TNRC6B: variants seen among roughly 807,000 people sequenced by gnomAD.
TNRC6B encodes the protein trinucleotide repeat containing adaptor 6B, also known as trinucleotide repeat-containing gene 6B protein.
Under a neutral mutation model 203.6 loss-of-function variants are expected in TNRC6B, and 52 were observed. The observed-to-expected ratio is 0.26, with a 90% CI of 0.20 to 0.32. The LOEUF (loss-of-function observed/expected upper bound fraction) is 0.32, where lower values mean the gene tolerates loss of function less well. Among genes scored for constraint, TNRC6B ranks in the 10% least tolerant of loss-of-function variants. TNRC6B has a pLI of 1.00. For synonymous variants in TNRC6B, 838 were observed against 845.7 expected, an observed-to-expected ratio of 0.99 and a Z score of 0.16; for missense variants, 1,923 against 2,286.2, an observed-to-expected ratio of 0.84 and a Z score of 3.24.
At chr22:40,276,550 G>A (rs1245385793) in intron 7 of TNRC6B, among the ~76,000 whole-genome samples, 5 of 152,114 alleles carry the variant, frequency 3.3e-5, no homozygotes, top group Non-Finnish European at 5.9e-5. Flanking sequence ...ACTTTGCCCA[G>A]GAGATCAGCA....
rs1443564087 is a variant in TNRC6B, at chr22:40,278,056, T to C, written c.3262+12T>C. Reference sequence around the variant, plus strand: ...GGATTTGTCTGTAGGTGTGTATCACTCCGCTGAAAAGAATGGAGTATATCA... The same window carrying C: ...GGATTTGTCTGTAGGTGTGTATCACCCCGCTGAAAAGAATGGAGTATATCA... On this transcript the variant is annotated intron_variant, in intron 9 of 22. Coordinates refer to ENST00000454349, the MANE Select transcript of TNRC6B (RefSeq NM_001162501.2). 6.4e-7 allele frequency: 1 copy of C among 1,557,164 alleles called. No individual in the cohort carries two copies. Among genetic ancestry groups the C allele is most frequent in the Admixed American group, 1.9e-5 (1 of 51,624 alleles).
At chr22:40,277,214 A>T (rs2070656529) in intron 8 of TNRC6B, 63 bp downstream of exon 8, 1 of 1,236,926 alleles carries the variant, frequency 8.1e-7, no homozygotes. Flanking sequence ...ATTAATACCA[A>T]TTTTAAGACA....
chr22:40,087,235 G>A (rs925720968), intron 1 of TNRC6B, among the ~76,000 whole-genome samples: 1 of 152,186 alleles, frequency 6.6e-6, no homozygotes, highest in African/African-American at 2.4e-5. Context: ...TCAAGTTAGA[G>A]GAGAATGGAA....
At chr22:40,309,333 T>G (rs1240900573) in intron 16 of TNRC6B, among the ~76,000 whole-genome samples, 1 of 152,210 alleles carries the variant, frequency 6.6e-6, no homozygotes, top group Non-Finnish European at 1.5e-5. Context: ...GAACCAAGTA[T>G]AAATAGGTGT....
chr22:40,060,018 G>A (rs1329940056), intron 1 of TNRC6B, among the ~76,000 whole-genome samples: 2 of 151,468 alleles, frequency 1.3e-5, no homozygotes, highest in East Asian at 1.9e-4. Flanking sequence ...GAGATGGGAC[G>A]GGGTTTCACT....
rs775162770 is a variant in TNRC6B, at chr22:40,266,639, C to A, written c.2409C>A (p.Ser803=). 2.5e-6 allele frequency: 4 copies of A among 1,611,668 alleles called. No homozygotes were observed. In the African/African-American group the frequency reaches 5.3e-5, roughly 22 times the overall value. Residue 803 remains serine, a synonymous_variant, in exon 5 of 23, where the codon TCC becomes TCA. Coordinates refer to ENST00000454349, the MANE Select transcript of TNRC6B (RefSeq NM_001162501.2). The part of the protein sequence containing the change: ...SKGGWEDCKR[S]PAWNETGRQP... ...GTGGGTGGGAGGATTGCAAAAGATC[C>A]CCAGCATGGAATGAGACGGGCCGAC... is the stretch of plus-strand genomic sequence containing the variant.
intron 12 of TNRC6B, among the ~76,000 whole-genome samples, chr22:40,296,173 C>T (rs901866421): frequency 3.9e-5 from 6 of 152,198 alleles, no homozygotes; most frequent in African/African-American, 9.6e-5. Flanking sequence ...ATGGGGCAGT[C>T]CTCTCTCCAG....
intron 21 of TNRC6B, among the ~76,000 whole-genome samples, chr22:40,317,441 A>G (rs2071274758): frequency 6.6e-6 from 1 of 152,126 alleles, no homozygotes; most frequent in Non-Finnish European, 1.5e-5. Context: ...AGCTGGGCGT[A>G]GTGGCACACG....
intron 1 of TNRC6B, among the ~76,000 whole-genome samples, chr22:40,114,289 G>A (rs17001650): frequency 0.057 from 8,678 of 152,038 alleles, 792 homozygotes; most frequent in African/African-American, 0.19. Context: ...TGTGAGTTTA[G>A]TTAGGTACTT....
intron 6 of TNRC6B, among the ~76,000 whole-genome samples, chr22:40,270,481 G>A (rs536055216): frequency 1.1e-4 from 16 of 151,934 alleles, no homozygotes; most frequent in South Asian, 6.3e-4. Context: ...CACCACGCCC[G>A]GCTAATTTTT....
chr22:40,253,819 CCTT>C (rs3833937), intron 3 of TNRC6B: 96,066 of 427,784 alleles, frequency 0.22, 13,261 homozygotes, highest in Admixed American at 0.43. Context: ...CTGTAAATCT[CCTT>C]CTTCTTCTCT....
chr22:40,244,465 C>CTT (rs77260733), intron 1 of TNRC6B, among the ~76,000 whole-genome samples: 2 of 144,194 alleles, frequency 1.4e-5, no homozygotes, highest in African/African-American at 2.5e-5. Flanking sequence ...TTTTTTAAGT[C>CTT]TTTTTTTTTT....
intron 3 of TNRC6B, among the ~76,000 whole-genome samples, chr22:40,135,368 G>A (rs1479862179): frequency 2.6e-5 from 4 of 152,200 alleles, no homozygotes; most frequent in African/African-American, 7.2e-5. Flanking sequence ...AGTGTTGGGT[G>A]CCAGGGAGAC....
chr22:40,280,204 C>CTT, intron 10 of TNRC6B, 61 bp downstream of exon 10: 2 of 1,494,442 alleles, frequency 1.3e-6, no homozygotes, highest in South Asian at 2.4e-5. Context: ...TCCCATTTGT[C>CTT]TTTTGATAAC....
chr22:40,194,090 A>G lies in TNRC6B; in HGVS notation c.5+15950A>G, dbSNP rs148957780. ...AACCAGGGGGCAAGGTCTTTGGAGA[A>G]TGCTGGTGAATATGCATGACAGTGC... On this transcript the variant is annotated intron_variant, in intron 1 of 22. Coordinates refer to ENST00000454349, the MANE Select transcript of TNRC6B (RefSeq NM_001162501.2). 2.6e-3 allele frequency among the ~76,000 whole-genome samples: 392 copies of G among 152,316 alleles called. 2 individuals carry two copies. The highest frequency in any genetic ancestry group is 0.017 in the Middle Eastern group (5 of 294).
chr22:40,140,060 C>T (rs1458657528), intron 3 of TNRC6B, among the ~76,000 whole-genome samples: 1 of 152,152 alleles, frequency 6.6e-6, no homozygotes, highest in African/African-American at 2.4e-5. Flanking sequence ...ATGTGGTTAT[C>T]CAGTTCCTCC....
In TNRC6B at chr22:40,192,422, G is replaced by A. The variant is rs186880112; in HGVS notation, c.5+14282G>A. ...CACCTGAGGTCGGGAGTTGGAGACA[G>A]CCTAGCCAACGTGGTGAAACCCCGT... On this transcript the variant is annotated intron_variant, in intron 1 of 22. Coordinates refer to ENST00000454349, the MANE Select transcript of TNRC6B (RefSeq NM_001162501.2). Among the ~76,000 whole-genome samples the A allele has an allele frequency of 1.6e-3, 238 of 152,276 alleles. 1 individual carries two copies. The highest frequency in any genetic ancestry group is 5.5e-3 in the Admixed American group (84 of 15,298).
At chr22:40,058,245 A>G (rs1250785697) in intron 1 of TNRC6B, among the ~76,000 whole-genome samples, 1 of 152,246 alleles carries the variant, frequency 6.6e-6, no homozygotes, top group Admixed American at 6.5e-5. Flanking sequence ...AACAAAAACA[A>G]AACATAAACG....
intron 1 of TNRC6B, among the ~76,000 whole-genome samples, chr22:40,112,163 G>A (rs2068342378): frequency 1.3e-5 from 2 of 152,130 alleles, no homozygotes; most frequent in African/African-American, 4.8e-5. Context: ...GGACTCCGGA[G>A]GAGGAATACA....
Sources: allele counts gnomAD v4.1 joint callset (sites outside exome capture counted in the v4.1 genomes callset), GRCh38; gene constraint gnomAD v4.1.1; transcripts MANE v1.5; gene names NCBI Gene and HGNC (gene_info 2026-07-23, HGNC 2026-07-21).